LIMCH1: variants seen among roughly 807,000 people sequenced by gnomAD.
LIMCH1 encodes LIM and calponin homology domains-containing protein 1.
LIMCH1 carries 113 observed loss-of-function variants against 176.5 expected under a neutral mutation model. The observed-to-expected ratio is 0.64, with a 90% CI of 0.55 to 0.75. The LOEUF (loss-of-function observed/expected upper bound fraction) is 0.75, where lower values mean the gene tolerates loss of function less well. Ranked by LOEUF, LIMCH1 falls within the 30% of genes least tolerant of loss-of-function variation. The probability of loss-of-function intolerance (pLI) is 0.00; values close to 1 mark genes in which losing one functional copy is unlikely to be tolerated. For synonymous variants in LIMCH1, 619 were observed against 645.9 expected, an observed-to-expected ratio of 0.96 and a Z score of 0.63; for missense variants, 1,674 against 1,814.9, an observed-to-expected ratio of 0.92 and a Z score of 1.41.
intron 20 of LIMCH1, among the ~76,000 whole-genome samples, chr4:41,665,244 T>TACATACA (rs1172201294): frequency 1.3e-5 from 2 of 152,232 alleles, no homozygotes; most frequent in African/African-American, 4.8e-5. Context: ...TAGCGGTCAT[T>TACATACA]TTGATCATTG....
At chr4:41,434,499 C>T (rs914658123) in intron 1 of LIMCH1, among the ~76,000 whole-genome samples, 1 of 152,194 alleles carries the variant, frequency 6.6e-6, no homozygotes, top group Non-Finnish European at 1.5e-5. Flanking sequence ...TCTCCCCATA[C>T]ACCTGGTTAC....
intron 1 of LIMCH1, among the ~76,000 whole-genome samples, chr4:41,407,885 A>G (rs1369220875): frequency 1.3e-5 from 2 of 152,164 alleles, no homozygotes; most frequent in Non-Finnish European, 2.9e-5. Context: ...GACACTTAAA[A>G]TTAGTCACTT....
At chr4:41,651,670 T>TA (rs1250963305) in intron 18 of LIMCH1, among the ~76,000 whole-genome samples, 1 of 152,216 alleles carries the variant, frequency 6.6e-6, no homozygotes, top group Non-Finnish European at 1.5e-5. Context: ...AATCTAGCTT[T>TA]CCATCCCCGG....
At chr4:41,557,098 T>C (rs1047516734) in intron 1 of LIMCH1, among the ~76,000 whole-genome samples, 3 of 152,322 alleles carry the variant, frequency 2.0e-5, no homozygotes, top group Non-Finnish European at 4.4e-5. Flanking sequence ...TATCGATTGC[T>C]TGACAATCTT....
At chr4:41,656,181 T>C (rs1471415082) in intron 18 of LIMCH1, among the ~76,000 whole-genome samples, 1 of 152,212 alleles carries the variant, frequency 6.6e-6, no homozygotes, top group East Asian at 1.9e-4. Flanking sequence ...ATTCAGTACT[T>C]ATGTTTTCTG....
chr4:41,469,655 C>T (rs998344879), intron 1 of LIMCH1, among the ~76,000 whole-genome samples: 10 of 106,160 alleles, frequency 9.4e-5, no homozygotes, highest in African/African-American at 5.3e-4. Flanking sequence ...TATGTCATAG[C>T]TTGTTTTGAG....
intron 20 of LIMCH1, among the ~76,000 whole-genome samples, chr4:41,665,683 T>A (rs1006367251): frequency 5.9e-5 from 9 of 152,040 alleles, no homozygotes; most frequent in African/African-American, 1.9e-4. Context: ...AAACATAAAT[T>A]TATACAGCCA....
At chr4:41,638,588 C>G (rs1452907153) in intron 13 of LIMCH1, among the ~76,000 whole-genome samples, 1 of 152,190 alleles carries the variant, frequency 6.6e-6, no homozygotes, top group Non-Finnish European at 1.5e-5. Context: ...GACTGTAATA[C>G]ATGTTTGTTT....
At chr4:41,691,946 T>G (rs1170316218) in intron 30 of LIMCH1, among the ~76,000 whole-genome samples, 1 of 152,150 alleles carries the variant, frequency 6.6e-6, no homozygotes, top group Non-Finnish European at 1.5e-5. Context: ...GTTCTTCCAT[T>G]TTGATTGAGA....
chr4:41,399,608 T>C (rs2058156615), intron 1 of LIMCH1, among the ~76,000 whole-genome samples: 1 of 152,030 alleles, frequency 6.6e-6, no homozygotes, highest in Non-Finnish European at 1.5e-5. Flanking sequence ...ATGTATGTGT[T>C]GAAACTGATG....
chr4:41,699,555 CTT>C lies in LIMCH1; in HGVS notation c.*2372_*2373del, dbSNP rs1732291683. On this transcript the variant is annotated 3_prime_UTR_variant, in exon 32 of 32. Coordinates refer to ENST00000503057, the MANE Select transcript of LIMCH1 (RefSeq NM_001330672.2). ...TATGATCTATTTCTTTTCAAATAATCTTTGAGATCCCAGGAAAAAAAAAATGC... is the reference window on the plus strand; with the variant it reads ...TATGATCTATTTCTTTTCAAATAATCTGAGATCCCAGGAAAAAAAAAATGC... 1 of 150,698 alleles carries C rather than the reference CTT, an allele frequency of 6.6e-6. No individual in the cohort carries two copies. The highest frequency in any genetic ancestry group is 2.4e-5 in the African/African-American group (1 of 41,032). The allele number at this position is 150,698 out of a possible 1,614,324, so 9.3% of individuals were successfully genotyped here.
At chr4:41,515,954 C>T (rs1271864222) in intron 2 of LIMCH1, among the ~76,000 whole-genome samples, 2 of 152,202 alleles carry the variant, frequency 1.3e-5, no homozygotes, top group African/African-American at 4.8e-5. Flanking sequence ...TGGGTTTTAG[C>T]TGCGCAAAGG....
intron 1 of LIMCH1, among the ~76,000 whole-genome samples, chr4:41,582,820 GC>G (rs2085745849): frequency 6.6e-6 from 1 of 152,098 alleles, no homozygotes; most frequent in African/African-American, 2.4e-5. Context: ...ATCATCTTCA[GC>G]AGTATTTTTA....
chr4:41,435,296 C>T (rs184188454), intron 1 of LIMCH1, among the ~76,000 whole-genome samples: 4 of 152,202 alleles, frequency 2.6e-5, no homozygotes, highest in East Asian at 3.9e-4. Context: ...TGCATTTCGA[C>T]GATGAAGAAG....
intron 7 of LIMCH1, 128 bp from the exon 8 acceptor site, chr4:41,626,580 C>G: frequency 3.9e-6 from 3 of 777,180 alleles, no homozygotes; most frequent in Middle Eastern, 3.0e-4. Flanking sequence ...AAATAATGAA[C>G]AGATGTCATT....
intron 21 of LIMCH1, chr4:41,670,847 C>T (rs1398953372): frequency 3.9e-6 from 6 of 1,529,760 alleles, no homozygotes; most frequent in Admixed American, 2.0e-5. Context: ...CATGTTGGGG[C>T]GATCAATGAT....
intron 2 of LIMCH1, among the ~76,000 whole-genome samples, chr4:41,502,907 T>TCACA (rs71650929): frequency 0.026 from 3,716 of 142,178 alleles, 114 homozygotes; most frequent in South Asian, 0.099. Flanking sequence ...CGGAGGTAAA[T>TCACA]CACACACACA....
rs116236937 is a variant in LIMCH1 at position 41,683,445 on chromosome 4, G to A, written c.3846-952G>A. On this transcript the variant is annotated intron_variant, in intron 26 of 31. Transcript: ENST00000503057. The stretch of plus-strand genomic sequence containing the variant: ...GACCCACAGAAAGCCCAAGAAGCTG[G>A]CAGTGCTCTGCCACCAACATGTTCT... Among the ~76,000 whole-genome samples the A allele has an allele frequency of 6.0e-3, 919 of 152,272 alleles. 3 individuals are homozygous for A. Among genetic ancestry groups the A allele is most frequent in the Middle Eastern group, 0.017 (5 of 294 alleles).
At chr4:41,589,999 C>G (rs1016919874) in intron 1 of LIMCH1, among the ~76,000 whole-genome samples, 2 of 152,200 alleles carry the variant, frequency 1.3e-5, no homozygotes, top group African/African-American at 4.8e-5. Flanking sequence ...CGTCCTCTAT[C>G]CCCACATCCA....
Sources: allele counts gnomAD v4.1 joint callset (sites outside exome capture counted in the v4.1 genomes callset), GRCh38; gene constraint gnomAD v4.1.1; transcripts MANE v1.5; gene names NCBI Gene and HGNC (gene_info 2026-07-23, HGNC 2026-07-21).